The following ADCY2 variants were observed in gnomAD, a reference collection of about 807,000 sequenced individuals.
ADCY2 encodes the protein adenylate cyclase 2, also known as adenylate cyclase type 2.
Under a neutral mutation model 125.2 loss-of-function variants are expected in ADCY2, and 31 were observed. That is an observed-to-expected ratio of 0.25 (90% confidence interval 0.19 to 0.33). The LOEUF is 0.33. Ranked by LOEUF, ADCY2 falls within the 10% of genes least tolerant of loss-of-function variation. The pLI is 1.00. For synonymous variants in ADCY2, 512 were observed against 548.4 expected (o/e 0.93, Z 0.93); for missense variants, 904 against 1,418.2 (o/e 0.64, Z 5.82).
At chr5:7,706,079 G>A (rs140921073) in intron 7 of ADCY2, among the ~76,000 whole-genome samples, 104 of 152,228 alleles carry the variant, frequency 6.8e-4, no homozygotes, top group Admixed American at 1.4e-3. Flanking sequence ...CTACTTTAAT[G>A]TATTCAGCCA....
At chr5:7,656,848 G>T (rs368257207) in intron 4 of ADCY2, among the ~76,000 whole-genome samples, 1 of 152,168 alleles carries the variant, frequency 6.6e-6, no homozygotes, top group Admixed American at 6.5e-5. Context: ...TGACTGAGCT[G>T]TCAAATTCTG....
At chr5:7,748,267 G>A (rs929629813) in intron 15 of ADCY2, among the ~76,000 whole-genome samples, 2 of 152,044 alleles carry the variant, frequency 1.3e-5, no homozygotes, top group African/African-American at 2.4e-5. Context: ...ATGGTAAGTC[G>A]GTGGCCTTCG....
At chr5:7,690,620 T>A (rs1740673512) in intron 4 of ADCY2, 71 bp from the exon 5 acceptor site, 2 of 1,333,848 alleles carry the variant, frequency 1.5e-6, no homozygotes, top group Non-Finnish European at 1.9e-6. Flanking sequence ...TCAGTGAGGA[T>A]CTCCAATGTT....
chr5:7,607,553 G>A (rs575381934), intron 3 of ADCY2, among the ~76,000 whole-genome samples: 6 of 152,332 alleles, frequency 3.9e-5, no homozygotes, highest in African/African-American at 7.2e-5. Context: ...GAGCTCTCAC[G>A]AGTAAAGCAC....
intron 17 of ADCY2, 100 bp downstream of exon 17, chr5:7,766,906 A>G (rs1743400291): frequency 2.9e-6 from 4 of 1,399,224 alleles, no homozygotes; most frequent in East Asian, 5.2e-5. Context: ...TAGACTTTGC[A>G]TTTCCTCTCT....
chr5:7,786,266 G>A (rs1056459593), intron 19 of ADCY2, among the ~76,000 whole-genome samples: 1 of 152,102 alleles, frequency 6.6e-6, no homozygotes, highest in Non-Finnish European at 1.5e-5. Context: ...AAGTCTTCTG[G>A]GTAAGAACTT....
intron 2 of ADCY2, among the ~76,000 whole-genome samples, chr5:7,511,402 C>T (rs753359136): frequency 2.6e-5 from 4 of 151,848 alleles, no homozygotes; most frequent in African/African-American, 9.7e-5. Flanking sequence ...GGTGAAACCC[C>T]GTCTCTACTA....
intron 2 of ADCY2, among the ~76,000 whole-genome samples, chr5:7,426,878 C>T (rs763578566): frequency 5.3e-5 from 8 of 152,070 alleles, no homozygotes; most frequent in Non-Finnish European, 1.2e-4. Context: ...TCACCAGGCG[C>T]AGAATTTAGG....
chr5:7,581,680 G>C (rs1736439175), intron 3 of ADCY2, among the ~76,000 whole-genome samples: 1 of 151,914 alleles, frequency 6.6e-6, no homozygotes, highest in African/African-American at 2.4e-5. Context: ...AAATCGCTGG[G>C]TTTGGTGGCA....
intron 4 of ADCY2, among the ~76,000 whole-genome samples, chr5:7,636,932 G>A (rs1738525897): frequency 6.6e-6 from 1 of 152,178 alleles, no homozygotes; most frequent in Admixed American, 6.5e-5. Flanking sequence ...CTCTTCTGAT[G>A]TATGTAGCAG....
intron 4 of ADCY2, chr5:7,654,107 G>C: frequency 2.2e-6 from 1 of 456,210 alleles, no homozygotes; most frequent in African/African-American, 2.0e-5. Flanking sequence ...AGTCACCACG[G>C]GACTCCTGAC....
intron 1 of ADCY2, among the ~76,000 whole-genome samples, chr5:7,412,996 C>CA (rs61106842): frequency 0.026 from 4,013 of 152,346 alleles, 175 homozygotes; most frequent in African/African-American, 0.09. Context: ...CTTTCCCAGG[C>CA]ATCATTTAAC....
At chr5:7,428,164 T>C (rs1740455857) in intron 2 of ADCY2, among the ~76,000 whole-genome samples, 1 of 152,184 alleles carries the variant, frequency 6.6e-6, no homozygotes, top group African/African-American at 2.4e-5. Flanking sequence ...TGGTAGCAGG[T>C]TGATGGAGAT....
At chr5:7,705,811 G>A (rs1260217808) in intron 7 of ADCY2, among the ~76,000 whole-genome samples, 3 of 152,180 alleles carry the variant, frequency 2.0e-5, no homozygotes, top group East Asian at 1.9e-4. Flanking sequence ...TTCAGAGTGC[G>A]ATTTATTTTT....
intron 15 of ADCY2, among the ~76,000 whole-genome samples, chr5:7,757,222 G>T (rs1048520690): frequency 1.3e-5 from 2 of 152,170 alleles, no homozygotes; most frequent in Admixed American, 6.5e-5. Flanking sequence ...CAAGCACATT[G>T]TACCTTTGTC....
intron 20 of ADCY2, among the ~76,000 whole-genome samples, chr5:7,792,820 C>T (rs984895253): frequency 1.3e-5 from 2 of 152,234 alleles, no homozygotes; most frequent in African/African-American, 4.8e-5. Flanking sequence ...TCGCCGTCCT[C>T]ATCCATAAAA....
intron 2 of ADCY2, among the ~76,000 whole-genome samples, chr5:7,415,978 CA>C (rs1739925246): frequency 6.6e-6 from 1 of 151,922 alleles, no homozygotes; most frequent in Non-Finnish European, 1.5e-5. Flanking sequence ...GTGCCAGGAA[CA>C]GGATCTGGAA....
At position 7,827,446 on chromosome 5, in the gene ADCY2, G is replaced by A. The variant is rs1448118634; in HGVS notation, c.*575G>A. 3.9e-5 allele frequency: 6 copies of A among 152,784 alleles called. No individual in the cohort carries two copies. Among genetic ancestry groups the A allele is most frequent in the African/African-American group, 1.4e-4 (6 of 41,422 alleles). 9.5% of individuals were successfully genotyped at this position (152,784 alleles called of 1,614,324 possible). On this transcript the variant is annotated 3_prime_UTR_variant, in exon 25 of 25. Transcript: ENST00000338316. ...CACCAGAATTAGTCCTCACAGCCTA[G>A]GACCAGTTTTGTATCAAACTCGTCT...
At chr5:7,637,448 A>C (rs1362020616) in intron 4 of ADCY2, among the ~76,000 whole-genome samples, 1 of 151,538 alleles carries the variant, frequency 6.6e-6, no homozygotes, top group African/African-American at 2.4e-5. Context: ...AAAAAAAAAA[A>C]AAAGAGAAGA....
Sources: gnomAD v4.1 joint callset for allele counts (sites outside exome capture counted in the v4.1 genomes callset) on GRCh38, gnomAD v4.1.1 for gene constraint, MANE v1.5 for transcripts, NCBI Gene and HGNC (gene_info 2026-07-23, HGNC 2026-07-21) for gene names.